DFFB: variants seen among roughly 807,000 people sequenced by gnomAD.
The protein encoded by DFFB is DNA fragmentation factor 40 kDa subunit.
In DFFB, 29 loss-of-function variants were observed where a neutral mutation model predicts 32.7. That is an observed-to-expected ratio of 0.89 (90% CI 0.66 to 1.21). The LOEUF (loss-of-function observed/expected upper bound fraction) is 1.21, where lower values mean the gene tolerates loss of function less well. Ranked by LOEUF, DFFB falls within the 50% of genes most tolerant of loss-of-function variation. The pLI, the probability that DFFB is intolerant of heterozygous loss-of-function variation, is 0.00. For missense variants in DFFB, 398 were observed against 440.6 expected, an observed-to-expected ratio of 0.90 and a Z score of 0.87; for synonymous variants, 170 against 177.1, an observed-to-expected ratio of 0.96 and a Z score of 0.32.
intron 6 of DFFB, among the ~76,000 whole-genome samples, chr1:3,876,908 G>A (rs541173014): frequency 2.0e-5 from 3 of 152,344 alleles, no homozygotes; most frequent in East Asian, 1.9e-4. Flanking sequence ...GAGCCCATGC[G>A]GTTCAGGGGC....
At chr1:3,873,113 GCCTC>G in intron 6 of DFFB, 1 of 561,608 alleles carries the variant, frequency 1.8e-6, no homozygotes, top group Non-Finnish European at 2.7e-6. Context: ...TCCTGCCTCA[GCCTC>G]CTGAGTCGCT....
chr1:3,870,634 T>C (rs921299759), intron 5 of DFFB, among the ~76,000 whole-genome samples: 4 of 151,940 alleles, frequency 2.6e-5, no homozygotes, highest in African/African-American at 9.7e-5. Context: ...TCCTGCACAA[T>C]GGAAGGTGAA....
chr1:3,859,493 C>G (rs1391765088), intron 2 of DFFB, among the ~76,000 whole-genome samples: 1 of 152,114 alleles, frequency 6.6e-6, no homozygotes, highest in Non-Finnish European at 1.5e-5. Flanking sequence ...CTGGGAGGGT[C>G]GGCCAGTGTT....
intron 6 of DFFB, among the ~76,000 whole-genome samples, chr1:3,882,038 T>TAC (rs1645349471): frequency 1.6e-5 from 2 of 122,810 alleles, no homozygotes; most frequent in South Asian, 5.2e-4. Context: ...TGAAACAACA[T>TAC]CATGTTGTGT....
At chr1:3,869,396 T>TG (rs1645064004) in intron 4 of DFFB, among the ~76,000 whole-genome samples, 1 of 152,138 alleles carries the variant, frequency 6.6e-6, no homozygotes, top group African/African-American at 2.4e-5. Flanking sequence ...GCCTGGGGGC[T>TG]GGTGTGGTTC....
rs1281188574 is a variant in DFFB, at chr1:3,885,022, C to CA, written c.*1285dup. ...TTCAACCTGATACATTTACATAGTG[C>CA]AAAACTGTGTCACAGTTTCAGGCTT... On this transcript the variant is annotated 3_prime_UTR_variant, in exon 7 of 7. Transcript: ENST00000378209. The CA allele has an allele frequency of 6.6e-6, 1 of 152,226 alleles. No individual in the cohort carries two copies. The highest frequency in any genetic ancestry group is 1.5e-5 in the Non-Finnish European group (1 of 68,040). The allele number at this position is 152,226 out of a possible 1,614,324, so 9.4% of individuals were successfully genotyped here. A position where few individuals can be genotyped will look rare whatever the true frequency, so the allele number is the denominator to read the frequency against.
chr1:3,861,858 A>C (rs1271125004), intron 2 of DFFB, among the ~76,000 whole-genome samples: 1 of 152,228 alleles, frequency 6.6e-6, no homozygotes, highest in Non-Finnish European at 1.5e-5. Context: ...GCTTCTGTTT[A>C]ACATGGTACT....
intron 2 of DFFB, among the ~76,000 whole-genome samples, chr1:3,862,674 G>T (rs140782074): frequency 6.6e-6 from 1 of 152,226 alleles, no homozygotes; most frequent in Non-Finnish European, 1.5e-5. Flanking sequence ...CTCTTAGCTG[G>T]TACCTTATAC....
At chr1:3,876,202 C>T (rs539787331) in intron 6 of DFFB, among the ~76,000 whole-genome samples, 1 of 152,334 alleles carries the variant, frequency 6.6e-6, no homozygotes, top group South Asian at 2.1e-4. Flanking sequence ...GGACCCCTTG[C>T]CACATGCAAC....
At chr1:3,880,965 G>A (rs751804202) in intron 6 of DFFB, among the ~76,000 whole-genome samples, 1 of 152,164 alleles carries the variant, frequency 6.6e-6, no homozygotes, top group Non-Finnish European at 1.5e-5. Flanking sequence ...TACACCCTGC[G>A]TTCTGCGGAT....
chr1:3,869,529 G>A (rs968311254), intron 4 of DFFB, 76 bp from the exon 5 acceptor site: 3 of 1,466,286 alleles, frequency 2.0e-6, no homozygotes, highest in South Asian at 1.2e-5. Context: ...GGGCCATGGA[G>A]TGAGATGGAT....
At chr1:3,866,106 C>G in intron 3 of DFFB, 106 bp downstream of exon 3, 1 of 974,924 alleles carries the variant, frequency 1.0e-6, no homozygotes, top group South Asian at 1.7e-5. Context: ...CCTGTACCCT[C>G]GTGGGTTGAG....
chr1:3,868,182 G>A (rs1645021748), intron 4 of DFFB, 129 bp downstream of exon 4: 2 of 850,896 alleles, frequency 2.4e-6, no homozygotes, highest in Non-Finnish European at 4.0e-6. Flanking sequence ...GGATCTGGTG[G>A]GGCTGCTCTG....
intron 2 of DFFB, among the ~76,000 whole-genome samples, chr1:3,859,499 G>C (rs1005042205): frequency 6.6e-6 from 1 of 152,214 alleles, no homozygotes; most frequent in African/African-American, 2.4e-5. Flanking sequence ...GGGTCGGCCA[G>C]TGTTGTGCAA....
rs529376269 is a variant in DFFB, at chr1:3,869,853, G to A, written c.681+78G>A. 2.1e-6 allele frequency: 3 copies of A among 1,443,370 alleles called. No individual in the cohort carries two copies. The African/African-American group carries it at 4.3e-5, about 21-fold the overall frequency. 89.4% of individuals were successfully genotyped at this position (1,443,370 alleles called of 1,614,324 possible). ...GCCCGCCTGGGGCGAGGCGGGTGGG[G>A]ACCTTCAGCCCTTGCCCTGCCTGGG... On this transcript the variant is annotated intron_variant, in intron 5 of 6. Coordinates refer to ENST00000378209, the MANE Select transcript of DFFB (RefSeq NM_004402.4).
intron 6 of DFFB, among the ~76,000 whole-genome samples, chr1:3,874,963 G>A (rs547272023): frequency 7.9e-5 from 12 of 151,850 alleles, no homozygotes; most frequent in African/African-American, 1.4e-4. Context: ...GGCGGCCCAC[G>A]TTGTCGTCTG....
intron 6 of DFFB, among the ~76,000 whole-genome samples, chr1:3,882,893 G>A (rs946259379): frequency 2.0e-5 from 3 of 152,090 alleles, no homozygotes; most frequent in African/African-American, 4.8e-5. Flanking sequence ...TAGATGAAAC[G>A]TGGAGGCAGT....
At chr1:3,867,850 C>A in intron 3 of DFFB, 124 bp from the exon 4 acceptor site, 1 of 834,858 alleles carries the variant, frequency 1.2e-6, no homozygotes, top group Non-Finnish European at 2.0e-6. Context: ...AAGACCCTGT[C>A]AAAAAGATGA....
Position 3,884,976 on chromosome 1 carries a change from G to A in DFFB, c.*1235G>A, listed in dbSNP as rs1166125488. ...TGCTGTTTTCTAGGCCAAAAATGGTGAGCGATCATTTATTTCATGATTCAA... is the reference window on the plus strand; with the variant it reads ...TGCTGTTTTCTAGGCCAAAAATGGTAAGCGATCATTTATTTCATGATTCAA... On this transcript the variant is annotated 3_prime_UTR_variant, in exon 7 of 7. Transcript: ENST00000378209. 6.6e-6 allele frequency: 1 copy of A among 152,216 alleles called. No homozygotes were observed. The highest frequency in any genetic ancestry group is 2.4e-5 in the African/African-American group (1 of 41,456). The allele number at this position is 152,216 out of a possible 1,614,324, so 9.4% of individuals were successfully genotyped here.
Sources: gnomAD v4.1 joint callset for allele counts (sites outside exome capture counted in the v4.1 genomes callset) on GRCh38, gnomAD v4.1.1 for gene constraint, MANE v1.5 for transcripts, NCBI Gene and HGNC (gene_info 2026-07-23, HGNC 2026-07-21) for gene names.